The following RBFOX1 variants were observed in gnomAD, a reference collection of about 807,000 sequenced individuals.
RBFOX1 encodes RNA binding protein fox-1 homolog 1.
In RBFOX1, 8 loss-of-function variants were observed where a neutral mutation model predicts 57.7. The ratio of observed to expected loss-of-function variants is 0.14; its 90% CI spans 0.08 to 0.25. The LOEUF (loss-of-function observed/expected upper bound fraction) is 0.25, where lower values mean the gene tolerates loss of function less well. RBFOX1 is among the 10% of genes least tolerant of loss of function. The probability of loss-of-function intolerance (pLI) is 1.00; values close to 1 mark genes in which losing one functional copy is unlikely to be tolerated. For synonymous variants in RBFOX1, 326 were observed against 222.4 expected (o/e 1.47, Z -4.15); for missense variants, 611 against 548.5 (o/e 1.11, Z -1.14).
rs373898268 is a variant in RBFOX1 at position 6,761,924 on chromosome 16, C to G, written c.-16+107274C>G. 3.3e-4 allele frequency among the ~76,000 whole-genome samples: 50 copies of G among 152,222 alleles called. No homozygotes were observed. In the East Asian group the frequency reaches 9.1e-3, roughly 28 times the overall value. On this transcript the variant is annotated intron_variant, in intron 3 of 15. Transcript: ENST00000550418. ...ATCCCACATTGTCTTCACCTCTAGA[C>G]TGATGATCATTTATCTCTGACATTT...
chr16:5,543,894 A>G (rs909281648), intron 2 of RBFOX1, among the ~76,000 whole-genome samples: 1 of 152,216 alleles, frequency 6.6e-6, no homozygotes, highest in African/African-American at 2.4e-5. Flanking sequence ...ACAAAACAAA[A>G]ATAAAAACAC....
At chr16:5,889,679 C>T (rs2057998210) in intron 4 of RBFOX1, among the ~76,000 whole-genome samples, 2 of 152,332 alleles carry the variant, frequency 1.3e-5, no homozygotes, top group South Asian at 4.1e-4. Flanking sequence ...AACCAAAAGC[C>T]AACGTGGAGG....
chr16:6,914,355 G>A (rs1286660375), intron 3 of RBFOX1, among the ~76,000 whole-genome samples: 1 of 152,076 alleles, frequency 6.6e-6, no homozygotes, highest in Non-Finnish European at 1.5e-5. Flanking sequence ...AAATTACAGG[G>A]TCGGCTGATA....
rs145989811 is a variant in RBFOX1, at chr16:6,161,271, C to A, written c.-127+141279C>A. Among the ~76,000 whole-genome samples, 670 of 151,986 alleles carry A rather than the reference C, an allele frequency of 4.4e-3. 7 individuals carry two copies. The highest frequency in any genetic ancestry group is 0.016 in the African/African-American group (645 of 41,454). The stretch of plus-strand genomic sequence containing the variant: ...TGGCATGGTGGTGCACGCCTGTAAT[C>A]CCAGCTACTCAGGGGGCTAAGGCAG... On this transcript the variant is annotated intron_variant, in intron 1 of 15. Transcript: ENST00000550418.
chr16:7,703,617 C>A (rs1348867064), intron 14 of RBFOX1, among the ~76,000 whole-genome samples: 3 of 152,208 alleles, frequency 2.0e-5, no homozygotes, highest in African/African-American at 7.2e-5. Context: ...GGAGTACCAA[C>A]ATGGGCCCAT....
rs1218577770 is a variant in RBFOX1, at chr16:6,892,443, G to T, written c.-15-159614G>T. Among the ~76,000 whole-genome samples, 3 of 152,102 alleles carry T rather than the reference G, an allele frequency of 2.0e-5. No individual in the cohort carries two copies. The East Asian group carries it at 5.8e-4, about 29-fold the overall frequency. ...CCAGCACTTTAGGAGGCCGAAGTGG[G>T]TGGATCCCTTGAGGTCAGACGTTTG... On this transcript the variant is annotated intron_variant, in intron 3 of 15. Coordinates refer to ENST00000550418, the MANE Select transcript of RBFOX1 (RefSeq NM_018723.4).
intron 4 of RBFOX1, among the ~76,000 whole-genome samples, chr16:5,954,081 A>T (rs1180869222): frequency 6.6e-6 from 1 of 152,232 alleles, no homozygotes; most frequent in Non-Finnish European, 1.5e-5. Context: ...TACAGTGCAC[A>T]GGACAGCCCC....
At chr16:6,843,176 T>C (rs913269636) in intron 3 of RBFOX1, among the ~76,000 whole-genome samples, 1 of 152,188 alleles carries the variant, frequency 6.6e-6, no homozygotes, top group Non-Finnish European at 1.5e-5. Flanking sequence ...AGCAAAGTTT[T>C]CTATTAGAGT....
rs184553245 is a variant in RBFOX1, at chr16:7,451,435, G to C, written c.28-66712G>C. 1.7e-3 allele frequency among the ~76,000 whole-genome samples: 252 copies of C among 152,180 alleles called. 2 individuals carry two copies. The highest frequency in any genetic ancestry group is 2.7e-3 in the Non-Finnish European group (184 of 68,002). On this transcript the variant is annotated intron_variant, in intron 4 of 15. Coordinates refer to ENST00000550418, the MANE Select transcript of RBFOX1 (RefSeq NM_018723.4). ...TTGAGGCAATAGGTAAGTTAACTTG[G>C]GCGGGCTCACTTTTCTATACATTTT...
intron 2 of RBFOX1, among the ~76,000 whole-genome samples, chr16:5,549,533 G>A (rs1270479415): frequency 6.6e-6 from 1 of 152,186 alleles, no homozygotes; most frequent in African/African-American, 2.4e-5. Context: ...AGGGGAAGAT[G>A]ATACAGTCAG....
At position 7,676,783 on chromosome 16, in the gene RBFOX1, G is replaced by T; in HGVS notation, c.940G>T (p.Ala314Ser). 1.2e-6 allele frequency: 2 copies of T among 1,612,978 alleles called. No individual in the cohort carries two copies. The highest frequency in any genetic ancestry group is 1.7e-6 in the Non-Finnish European group (2 of 1,179,292). Residue 314 changes from alanine (A) to serine (S), a missense_variant, in exon 14 of 16, where the codon GCT (alanine) becomes TCT (serine). This residue lies in a region of RBFOX1 where 267 missense variants were observed against 229.1 expected (regional missense o/e 1.17). Transcript: ENST00000550418. ...FYGADIYGGY[A>S]AYRYAQPTPA... is the part of the protein sequence containing the mutation. ...TCTCCTTGTGTTTTAGGGTGGTTAT[G>T]CTGCATACCGCTACGCCCAGCCTAC...
rs548948278 is a variant in RBFOX1 at position 7,631,370 on chromosome 16, G to A, written c.757+687G>A. 1.4e-4 allele frequency among the ~76,000 whole-genome samples: 22 copies of A among 152,268 alleles called. No individual in the cohort carries two copies. In the South Asian group the frequency reaches 1.5e-3, roughly 10 times the overall value. On this transcript the variant is annotated intron_variant, in intron 11 of 15. Coordinates refer to ENST00000550418, the MANE Select transcript of RBFOX1 (RefSeq NM_018723.4). ...ATCACAACATTGACATGGAAGAACC[G>A]AAGATTTCTCTGCCTCGGATGGATG...
chr16:7,181,372 G>T (rs1057253540), intron 4 of RBFOX1, among the ~76,000 whole-genome samples: 1 of 152,098 alleles, frequency 6.6e-6, no homozygotes, highest in South Asian at 2.1e-4. Context: ...TCCCTACCTT[G>T]TAATATTTTT....
At chr16:5,376,500 G>A (rs562952259) in intron 1 of RBFOX1, among the ~76,000 whole-genome samples, 7 of 152,176 alleles carry the variant, frequency 4.6e-5, no homozygotes, top group Non-Finnish European at 8.8e-5. Context: ...GGAGACCAGG[G>A]ATGAGCAGAC....
chr16:6,161,388 TAAAA>T (rs57538647), intron 1 of RBFOX1, among the ~76,000 whole-genome samples: 2 of 131,870 alleles, frequency 1.5e-5, no homozygotes, highest in Non-Finnish European at 1.7e-5. Flanking sequence ...GACTCTGTCT[TAAAA>T]AAAAAAAAAA....
In RBFOX1 at chr16:5,941,419, G is replaced by C. The variant is rs35176794; in HGVS notation, c.351+74084G>C. 3.9e-3 allele frequency among the ~76,000 whole-genome samples: 596 copies of C among 151,398 alleles called. 1 individual carries two copies. The highest frequency in any genetic ancestry group is 6.5e-3 in the Non-Finnish European group (443 of 67,856). Reference sequence around the variant, plus strand: ...GTGGGTGGATCACTTGAGCCCAGGAGTTTGACATTGCAGTGAGCTATGATA... The same window carrying C: ...GTGGGTGGATCACTTGAGCCCAGGACTTTGACATTGCAGTGAGCTATGATA... On this transcript the variant is annotated intron_variant, in intron 4 of 19. Coordinates refer to the RBFOX1 transcript ENST00000641259.
At chr16:5,393,364 C>G (rs766283963) in intron 1 of RBFOX1, among the ~76,000 whole-genome samples, 1 of 152,216 alleles carries the variant, frequency 6.6e-6, no homozygotes, top group African/African-American at 2.4e-5. Context: ...CGTGTCCAGG[C>G]AGCCCTGCCT....
chr16:7,020,450 A>G lies in RBFOX1; in HGVS notation c.-15-31607A>G, dbSNP rs557879592. Among the ~76,000 whole-genome samples, 57 of 152,176 alleles carry G rather than the reference A, an allele frequency of 3.7e-4. 1 individual carries two copies. The South Asian group carries it at 8.3e-3, about 22-fold the overall frequency. On this transcript the variant is annotated intron_variant, in intron 3 of 15. Coordinates refer to ENST00000550418, the MANE Select transcript of RBFOX1 (RefSeq NM_018723.4). ...TGGTGAGGCTGGTCTTGAACTCCTGATCTTGTCATCCACCTGCCTCAACCT... is the reference window on the plus strand; with the variant it reads ...TGGTGAGGCTGGTCTTGAACTCCTGGTCTTGTCATCCACCTGCCTCAACCT...
chr16:5,300,353 G>T (rs2063772923), intron 1 of RBFOX1, among the ~76,000 whole-genome samples: 1 of 152,142 alleles, frequency 6.6e-6, no homozygotes, highest in South Asian at 2.1e-4. Context: ...GGATCTTGGG[G>T]ACTCGGGAGA....
Sources: allele counts gnomAD v4.1 joint callset (sites outside exome capture counted in the v4.1 genomes callset), GRCh38; gene constraint gnomAD v4.1.1; regional missense constraint gnomAD v4.1.1; transcripts MANE v1.5; gene names NCBI Gene and HGNC (gene_info 2026-07-23, HGNC 2026-07-21).